Variants in NEDD4L observed in about 807,000 individuals in gnomAD.
NEDD4L encodes the protein NEDD4 like E3 ubiquitin protein ligase.
A neutral mutation model predicts 148.9 loss-of-function variants in NEDD4L; 54 were observed. The ratio of observed to expected loss-of-function variants is 0.36; its 90% CI spans 0.29 to 0.45. The LOEUF is 0.45. NEDD4L is among the 20% of genes least tolerant of loss of function. The pLI, the probability that NEDD4L is intolerant of heterozygous loss-of-function variation, is 1.00. For missense variants in NEDD4L, 856 were observed against 1,233.8 expected, an observed-to-expected ratio of 0.69 and a Z score of 4.59; for synonymous variants, 433 against 440.7, an observed-to-expected ratio of 0.98 and a Z score of 0.22.
At chr18:58,322,349 G>C (rs2058867026) in intron 6 of NEDD4L, 76 bp from the exon 7 acceptor site, 2 of 999,498 alleles carry the variant, frequency 2.0e-6, no homozygotes, top group African/African-American at 1.6e-5. Flanking sequence ...TATATTCTCT[G>C]TAATCCAGTT....
intron 1 of NEDD4L, among the ~76,000 whole-genome samples, chr18:58,150,840 C>G (rs1447194433): frequency 6.6e-6 from 1 of 152,002 alleles, no homozygotes; most frequent in South Asian, 2.1e-4. Flanking sequence ...GTTTTCCATA[C>G]TGGGGGCCTT....
chr18:58,391,942 T>C (rs538054593), intron 30 of NEDD4L, among the ~76,000 whole-genome samples: 1 of 152,360 alleles, frequency 6.6e-6, no homozygotes, highest in South Asian at 2.1e-4. Flanking sequence ...CAAAATACCC[T>C]GTAGAAACAT....
chr18:58,066,019 C>T (rs2082572332), intron 1 of NEDD4L, among the ~76,000 whole-genome samples: 1 of 152,190 alleles, frequency 6.6e-6, no homozygotes, highest in South Asian at 2.1e-4. Context: ...AATAATCAGT[C>T]ATACTCTTTA....
At chr18:58,143,385 G>A (rs1442744039) in intron 1 of NEDD4L, among the ~76,000 whole-genome samples, 1 of 152,218 alleles carries the variant, frequency 6.6e-6, no homozygotes, top group Non-Finnish European at 1.5e-5. Context: ...TGCAGTGTCT[G>A]TAGTATTCCT....
chr18:58,129,864 G>A (rs1167701419), intron 1 of NEDD4L, among the ~76,000 whole-genome samples: 1 of 151,150 alleles, frequency 6.6e-6, no homozygotes, highest in Non-Finnish European at 1.5e-5. Context: ...TTGGGGTTTG[G>A]TTGACTGTGA....
intron 1 of NEDD4L, among the ~76,000 whole-genome samples, chr18:58,097,042 T>C (rs937277404): frequency 5.3e-5 from 8 of 152,216 alleles, no homozygotes; most frequent in African/African-American, 1.7e-4. Context: ...CTTCATACAA[T>C]TTCACATCAA....
chr18:58,315,115 G>A (rs2058120036), intron 5 of NEDD4L, among the ~76,000 whole-genome samples: 1 of 152,152 alleles, frequency 6.6e-6, no homozygotes, highest in Non-Finnish European at 1.5e-5. Flanking sequence ...TTTGAATGTG[G>A]TGGAACCAGC....
intron 2 of NEDD4L, among the ~76,000 whole-genome samples, chr18:58,233,108 A>G (rs1311460720): frequency 1.3e-5 from 2 of 152,224 alleles, no homozygotes; most frequent in Admixed American, 6.5e-5. Context: ...ATCTTGTATA[A>G]CACTTCATTC....
At chr18:58,365,841 G>A (rs2146090438) in intron 20 of NEDD4L, among the ~76,000 whole-genome samples, 158 bp from the exon 21 acceptor site, 1 of 152,314 alleles carries the variant, frequency 6.6e-6, no homozygotes, top group South Asian at 2.1e-4. Context: ...CTGTCTGCAA[G>A]GGAAAACCCC....
chr18:58,051,781 G>T (rs2081883846), intron 1 of NEDD4L, among the ~76,000 whole-genome samples: 1 of 152,144 alleles, frequency 6.6e-6, no homozygotes, highest in Non-Finnish European at 1.5e-5. Flanking sequence ...ACTATATGTT[G>T]ATCTTTTGGT....
intron 1 of NEDD4L, among the ~76,000 whole-genome samples, chr18:58,103,050 G>A (rs2084857992): frequency 2.0e-5 from 3 of 151,902 alleles, no homozygotes. Context: ...GTGGCTCGGT[G>A]TTATGGACAC....
intron 5 of NEDD4L, among the ~76,000 whole-genome samples, chr18:58,305,032 T>C (rs1440337799): frequency 1.3e-5 from 2 of 152,020 alleles, no homozygotes; most frequent in African/African-American, 4.8e-5. Context: ...AGGGCTAGGG[T>C]TCCAAACAGG....
intron 1 of NEDD4L, among the ~76,000 whole-genome samples, chr18:58,084,055 A>G (rs1015978868): frequency 1.3e-5 from 2 of 152,212 alleles, no homozygotes; most frequent in African/African-American, 4.8e-5. Context: ...AAGAAAAGAA[A>G]ATGCTTATAG....
At chr18:58,306,460 G>A (rs1600978605) in intron 5 of NEDD4L, among the ~76,000 whole-genome samples, 1 of 152,118 alleles carries the variant, frequency 6.6e-6, no homozygotes, top group East Asian at 1.9e-4. Context: ...AGTTGGGGAT[G>A]GCAGCATAGC....
intron 2 of NEDD4L, among the ~76,000 whole-genome samples, chr18:58,230,848 G>A (rs1053059507): frequency 1.3e-5 from 2 of 152,178 alleles, no homozygotes; most frequent in African/African-American, 4.8e-5. Flanking sequence ...TTGAAGGCCC[G>A]TTTTGTACAA....
Position 58,335,378 on chromosome 18 carries a change from G to A in NEDD4L, c.1066-100G>A, listed in dbSNP as rs573628596. On this transcript the variant is annotated intron_variant, in intron 12 of 30. Transcript: ENST00000400345. ...TGGGTTTCAGGGATTCTGATCTCAC[G>A]TCACCTGCCTTACAGCGCTGCCACA... 2.9e-5 allele frequency: 28 copies of A among 951,086 alleles called. No individual in the cohort carries two copies. In the East Asian group the frequency reaches 4.2e-4, roughly 14 times the overall value. 58.9% of individuals were successfully genotyped at this position (951,086 alleles called of 1,614,324 possible). A position where few individuals can be genotyped will look rare whatever the true frequency, so the allele number is the denominator to read the frequency against.
chr18:58,154,584 G>A (rs1185878592), intron 1 of NEDD4L, among the ~76,000 whole-genome samples: 2 of 152,108 alleles, frequency 1.3e-5, no homozygotes, highest in African/African-American at 4.8e-5. Context: ...TCAGGAGTTC[G>A]AGACCAGCCT....
intron 2 of NEDD4L, among the ~76,000 whole-genome samples, chr18:58,166,845 C>T (rs942063549): frequency 5.9e-5 from 9 of 152,108 alleles, no homozygotes; most frequent in Admixed American, 5.2e-4. Context: ...GATTTCAGTG[C>T]CCCTGCCTGA....
At chr18:58,328,894 A>T in intron 9 of NEDD4L, 101 bp from the exon 10 acceptor site, 1 of 1,336,418 alleles carries the variant, frequency 7.5e-7, no homozygotes, top group Non-Finnish European at 1.1e-6. Context: ...TGACGCTGAC[A>T]CTTTAGTGGC....
Sources: gnomAD v4.1 joint callset for allele counts (sites outside exome capture counted in the v4.1 genomes callset) on GRCh38, gnomAD v4.1.1 for gene constraint, MANE v1.5 for transcripts, NCBI Gene and HGNC (gene_info 2026-07-23, HGNC 2026-07-21) for gene names.